Variants in CCDC178 observed in about 807,000 individuals in gnomAD.
The protein encoded by CCDC178 is coiled-coil domain-containing protein 178.
Under a neutral mutation model 117.4 loss-of-function variants are expected in CCDC178, and 126 were observed. The observed-to-expected ratio is 1.07, with a 90% CI of 0.93 to 1.24. CCDC178 has a LOEUF of 1.24. CCDC178 is among the 50% of genes most tolerant of loss of function. CCDC178 has a pLI of 0.00. For missense variants in CCDC178, 1,030 were observed against 986.9 expected (o/e 1.04, Z -0.59); for synonymous variants, 283 against 313.4 (o/e 0.90, Z 1.02).
intron 2 of CCDC178, among the ~76,000 whole-genome samples, chr18:33,418,096 C>T (rs192091193): frequency 3.9e-5 from 6 of 152,184 alleles, no homozygotes; most frequent in East Asian, 1.9e-4. Context: ...AAATTCTCAA[C>T]GAAATACTAG....
intron 11 of CCDC178, among the ~76,000 whole-genome samples, chr18:33,299,532 C>CACAG: frequency 6.6e-6 from 1 of 151,518 alleles, no homozygotes; most frequent in Non-Finnish European, 1.5e-5. Flanking sequence ...CACACACACA[C>CACAG]ACTCAGAGGA....
intron 3 of CCDC178, among the ~76,000 whole-genome samples, chr18:33,404,015 A>G (rs997749155): frequency 5.3e-5 from 8 of 152,016 alleles, no homozygotes; most frequent in Non-Finnish European, 1.0e-4. Flanking sequence ...GTTTACCACT[A>G]CCCCTCAAGG....
chr18:33,292,827 A>AAC (rs1302401771), intron 12 of CCDC178, among the ~76,000 whole-genome samples: 1 of 152,086 alleles, frequency 6.6e-6, no homozygotes, highest in Non-Finnish European at 1.5e-5. Flanking sequence ...ATACCTGTAT[A>AAC]CTAAAAATAG....
At chr18:33,328,082 G>GTGTTTT in intron 10 of CCDC178, 1 of 248,480 alleles carries the variant, frequency 4.0e-6, no homozygotes, top group African/African-American at 3.3e-5. Flanking sequence ...TTTATCCCTA[G>GTGTTTT]ATTTTTTTTT....
chr18:33,353,627 T>C (rs1207791914), intron 7 of CCDC178, among the ~76,000 whole-genome samples: 1 of 152,098 alleles, frequency 6.6e-6, no homozygotes, highest in Non-Finnish European at 1.5e-5. Context: ...TGAATTAAAA[T>C]CAATGTAGCT....
At chr18:33,406,090 A>G (rs972071768) in intron 3 of CCDC178, among the ~76,000 whole-genome samples, 1 of 152,124 alleles carries the variant, frequency 6.6e-6, no homozygotes, top group African/African-American at 2.4e-5. Context: ...GAGAAGTAAG[A>G]TATTAGTATC....
At chr18:33,010,518 T>C (rs866062566) in intron 21 of CCDC178, among the ~76,000 whole-genome samples, 23 of 152,300 alleles carry the variant, frequency 1.5e-4, no homozygotes, top group Admixed American at 2.6e-4. Context: ...CAAATATTAA[T>C]GTTTAAAAGT....
intron 6 of CCDC178, among the ~76,000 whole-genome samples, chr18:33,357,098 A>G (rs2063067995): frequency 6.6e-6 from 1 of 152,084 alleles, no homozygotes; most frequent in Admixed American, 6.6e-5. Context: ...ATGACCTGGA[A>G]GCCCCCATTT....
intron 18 of CCDC178, among the ~76,000 whole-genome samples, chr18:33,220,849 A>G (rs1449266144): frequency 6.6e-6 from 1 of 152,078 alleles, no homozygotes; most frequent in Non-Finnish European, 1.5e-5. Flanking sequence ...GTCATTTTTC[A>G]CTGCTGTAAT....
chr18:33,197,806 CT>C (rs531829802), intron 20 of CCDC178, among the ~76,000 whole-genome samples: 1 of 151,874 alleles, frequency 6.6e-6, no homozygotes, highest in Non-Finnish European at 1.5e-5. Flanking sequence ...ATTTTTTTTG[CT>C]TTGTACATTC....
At chr18:32,989,863 C>A (rs2055351298) in intron 21 of CCDC178, among the ~76,000 whole-genome samples, 1 of 151,906 alleles carries the variant, frequency 6.6e-6, no homozygotes, top group African/African-American at 2.4e-5. Context: ...AAAGAACCTG[C>A]CATTGATTAT....
intron 11 of CCDC178, among the ~76,000 whole-genome samples, chr18:33,307,576 C>G (rs1160445755): frequency 2.6e-5 from 4 of 152,216 alleles, no homozygotes; most frequent in Non-Finnish European, 1.5e-5. Flanking sequence ...TGCAAGCTGG[C>G]TGCATACATT....
intron 21 of CCDC178, among the ~76,000 whole-genome samples, chr18:33,009,315 C>T (rs1304611515): frequency 1.3e-5 from 2 of 152,094 alleles, no homozygotes; most frequent in Non-Finnish European, 2.9e-5. Flanking sequence ...CATGTCAAAG[C>T]TCTCAATGGT....
At chr18:33,405,328 T>A (rs978902572) in intron 3 of CCDC178, among the ~76,000 whole-genome samples, 8 of 151,712 alleles carry the variant, frequency 5.3e-5, no homozygotes, top group African/African-American at 1.9e-4. Flanking sequence ...CATTAAAAGA[T>A]AATGTATATG....
intron 20 of CCDC178, among the ~76,000 whole-genome samples, chr18:33,115,577 C>A (rs2057845477): frequency 6.6e-6 from 1 of 151,946 alleles, no homozygotes; most frequent in African/African-American, 2.4e-5. Context: ...AATCACCGAA[C>A]AAAGATTGTA....
intron 22 of CCDC178, among the ~76,000 whole-genome samples, chr18:32,945,049 A>G (rs992460958): frequency 6.6e-6 from 1 of 152,174 alleles, no homozygotes; most frequent in Admixed American, 6.5e-5. Flanking sequence ...ATAATATTCT[A>G]GCTAGTCATT....
chr18:32,978,670 C>A (rs567149749), intron 21 of CCDC178, among the ~76,000 whole-genome samples: 1 of 152,244 alleles, frequency 6.6e-6, no homozygotes, highest in East Asian at 1.9e-4. Flanking sequence ...GAAATCAATA[C>A]CCCTTTTTAA....
intron 16 of CCDC178, among the ~76,000 whole-genome samples, chr18:33,226,024 G>A (rs2059299439): frequency 6.6e-6 from 1 of 152,142 alleles, no homozygotes; most frequent in African/African-American, 2.4e-5. Context: ...AGCTGGGCAT[G>A]GTGGTGCATG....
intron 21 of CCDC178, among the ~76,000 whole-genome samples, chr18:32,983,609 T>C (rs1246477122): frequency 6.6e-6 from 1 of 152,070 alleles, no homozygotes; most frequent in Non-Finnish European, 1.5e-5. Flanking sequence ...GCTTTTCCTA[T>C]AGGAATTTAT....
Sources: gnomAD v4.1 joint callset for allele counts (sites outside exome capture counted in the v4.1 genomes callset) on GRCh38, gnomAD v4.1.1 for gene constraint, MANE v1.5 for transcripts, NCBI Gene and HGNC (gene_info 2026-07-23, HGNC 2026-07-21) for gene names.